The following ERICH1 variants were observed in gnomAD, a reference collection of about 807,000 sequenced individuals.
ERICH1 encodes glutamate-rich protein 1.
Under a neutral mutation model 39.6 loss-of-function variants are expected in ERICH1, and 56 were observed. The observed-to-expected ratio is 1.41, with a 90% CI of 1.14 to 1.77. ERICH1 has a LOEUF of 1.77. ERICH1 is among the 40% of genes most tolerant of loss of function. The probability of loss-of-function intolerance (pLI) is 0.00; values close to 1 mark genes in which losing one functional copy is unlikely to be tolerated. For synonymous variants in ERICH1, 313 were observed against 223.6 expected (o/e 1.40, Z -3.57); for missense variants, 826 against 575.4 (o/e 1.44, Z -4.45).
rs558744989 is a variant in ERICH1, at chr8:684,468, GTA to G, written c.304+8008_304+8009del. Among the ~76,000 whole-genome samples, 102 of 144,650 alleles carry G rather than the reference GTA, an allele frequency of 7.1e-4. 2 individuals carry two copies. The East Asian group carries it at 0.017, about 24-fold the overall frequency. 94.9% of individuals were successfully genotyped at this position (144,650 alleles called of 152,430 possible). ...AGGCTCTGAAACTGTGAAGTGTTTT[GTA>G]AATATTCTTCATTGACTTGGACTCG... is the stretch of plus-strand genomic sequence containing the variant. On this transcript the variant is annotated intron_variant, in intron 3 of 5. Transcript: ENST00000262109.
chr8:728,159 G>T (rs1484768719), intron 1 of ERICH1, among the ~76,000 whole-genome samples: 1 of 152,212 alleles, frequency 6.6e-6, no homozygotes, highest in African/African-American at 2.4e-5. Context: ...ATGGAGTCAG[G>T]GAGAGGGCCA....
At chr8:614,778 T>C (rs1796835161) in exon 4 of ERICH1, 1 of 158,928 alleles carries the variant, frequency 6.3e-6, no homozygotes. Context: ...CAACATACAC[T>C]TGTTGATGCC....
chr8:724,498 C>CGGA (rs1199023354), intron 1 of ERICH1, among the ~76,000 whole-genome samples: 4 of 152,124 alleles, frequency 2.6e-5, no homozygotes, highest in African/African-American at 9.7e-5. Context: ...AGCCCAGGGG[C>CGGA]TTCCGGAGAG....
intron 3 of ERICH1, among the ~76,000 whole-genome samples, chr8:619,505 C>G (rs1053721780): frequency 3.3e-5 from 5 of 152,064 alleles, no homozygotes; most frequent in Non-Finnish European, 7.4e-5. Context: ...TGGAACAAAG[C>G]TGTACTGGAG....
intron 1 of ERICH1, among the ~76,000 whole-genome samples, chr8:729,229 G>C (rs1484184030): frequency 6.6e-6 from 1 of 152,168 alleles, no homozygotes; most frequent in Non-Finnish European, 1.5e-5. Flanking sequence ...TTCTGTGTGG[G>C]GTCTGCTCCA....
At chr8:659,026 C>G (rs986754817) in intron 3 of ERICH1, among the ~76,000 whole-genome samples, 1 of 113,690 alleles carries the variant, frequency 8.8e-6, no homozygotes, top group African/African-American at 3.3e-5. Context: ...AGGGGGTGAC[C>G]ATCGAGATCT....
chr8:643,298 C>T (rs959076734), intron 3 of ERICH1, among the ~76,000 whole-genome samples: 4 of 151,686 alleles, frequency 2.6e-5, no homozygotes, highest in East Asian at 1.9e-4. Flanking sequence ...AGGCTGTGCT[C>T]GCAGGGACGG....
chr8:669,981 C>T (rs1164526186), intron 4 of ERICH1, among the ~76,000 whole-genome samples: 3 of 152,158 alleles, frequency 2.0e-5, no homozygotes, highest in Admixed American at 1.3e-4. Flanking sequence ...GCCCCCGCTC[C>T]GTCCTCTCTC....
intron 3 of ERICH1, chr8:625,824 G>A (rs1328116571): frequency 6.6e-6 from 1 of 152,220 alleles, no homozygotes; most frequent in African/African-American, 2.4e-5. Flanking sequence ...GTGGAGCGCA[G>A]TCATGTTCTT....
At chr8:693,429 C>T (rs766245623) in intron 2 of ERICH1, among the ~76,000 whole-genome samples, 3 of 152,228 alleles carry the variant, frequency 2.0e-5, no homozygotes, top group East Asian at 3.8e-4. Flanking sequence ...ATATCCCATG[C>T]GATGGAATTA....
intron 1 of ERICH1, among the ~76,000 whole-genome samples, chr8:730,316 T>C (rs187065802): frequency 6.6e-6 from 1 of 152,348 alleles, no homozygotes; most frequent in Admixed American, 6.5e-5. Context: ...ATTTTTTCTT[T>C]TTAAGCAATT....
intron 3 of ERICH1, among the ~76,000 whole-genome samples, chr8:629,031 C>CT (rs1797759929): frequency 2.6e-5 from 4 of 152,168 alleles, no homozygotes; most frequent in Admixed American, 2.6e-4. Flanking sequence ...CTCTCGGGGC[C>CT]ATGCAAACCC....
chr8:615,428 A>G, intron 3 of ERICH1: 1 of 509,768 alleles, frequency 2.0e-6, no homozygotes, highest in Non-Finnish European at 3.4e-6. Context: ...TCATAAACAG[A>G]ACAATGATCA....
intron 3 of ERICH1, among the ~76,000 whole-genome samples, chr8:625,019 C>A (rs574456909): frequency 1.3e-5 from 2 of 152,288 alleles, no homozygotes; most frequent in African/African-American, 2.4e-5. Context: ...AGCCACTGCA[C>A]CCGGCCTACA....
chr8:658,819 G>C (rs1488462626), intron 3 of ERICH1, among the ~76,000 whole-genome samples: 1 of 152,224 alleles, frequency 6.6e-6, no homozygotes, highest in Admixed American at 6.5e-5. Flanking sequence ...ATGCCAGGCT[G>C]TGGGCTTTGC....
Position 718,081 on chromosome 8 carries a change from G to A in ERICH1, c.23-2074C>T, listed in dbSNP as rs539629176. On this transcript the variant is annotated intron_variant, in intron 1 of 5. Coordinates refer to ENST00000262109, the MANE Select transcript of ERICH1 (RefSeq NM_207332.3). ...TTGGATCAGAGCGCACTGAGAAACC[G>A]CACAACACACCAGGGTACAGATTGG... 3.9e-5 allele frequency among the ~76,000 whole-genome samples: 6 copies of A among 152,146 alleles called. No homozygotes were observed. In the South Asian group the frequency reaches 1.0e-3, roughly 26 times the overall value.
At chr8:630,812 CACAG>C (rs1191834415) in intron 3 of ERICH1, among the ~76,000 whole-genome samples, 3 of 148,170 alleles carry the variant, frequency 2.0e-5, no homozygotes, top group South Asian at 2.2e-4. Flanking sequence ...TGACCACCCA[CACAG>C]ACAGAGCTGA....
intron 2 of ERICH1, among the ~76,000 whole-genome samples, chr8:695,498 C>T (rs1018412036): frequency 7.3e-6 from 1 of 137,870 alleles, no homozygotes; most frequent in South Asian, 2.4e-4. Context: ...TCCCTCTCCT[C>T]TCCTTCCTCC....
chr8:633,011 C>T (rs1371730338), intron 3 of ERICH1, among the ~76,000 whole-genome samples: 1 of 152,208 alleles, frequency 6.6e-6, no homozygotes, highest in Admixed American at 6.5e-5. Context: ...GGCAGATCGG[C>T]CAGAGCTCTT....
Sources: gnomAD v4.1 joint callset for allele counts (sites outside exome capture counted in the v4.1 genomes callset) on GRCh38, gnomAD v4.1.1 for gene constraint, MANE v1.5 for transcripts, NCBI Gene and HGNC (gene_info 2026-07-23, HGNC 2026-07-21) for gene names.